Variants in TACC3 observed in about 807,000 individuals in gnomAD.
TACC3 encodes the protein transforming acidic coiled-coil containing protein 3.
In TACC3, 52 loss-of-function variants were observed where a neutral mutation model predicts 86.0. The observed-to-expected ratio is 0.60, with a 90% confidence interval of 0.48 to 0.76. The LOEUF (loss-of-function observed/expected upper bound fraction) is 0.76. Ranked by LOEUF, TACC3 falls within the 30% of genes least tolerant of loss-of-function variation. The pLI, the probability that TACC3 is intolerant of heterozygous loss-of-function variation, is 0.00. For synonymous variants in TACC3, 512 were observed against 430.0 expected (o/e 1.19, Z -2.36); for missense variants, 1,120 against 1,070.4 (o/e 1.05, Z -0.65).
In TACC3 at chr4:1,727,911, C is replaced by G. The variant is rs764747004; in HGVS notation, c.509C>G (p.Ser170Cys). ...GGAAGTTCTGAGAACCAAATGGTGT[C>G]TCCAGGAAAAGTGTCTGGCAGCCCT... is the stretch of plus-strand genomic sequence containing the variant. ...SPGSSENQMV[S>C]PGKVSGSPEQ... Residue 170 changes from serine (S) to cysteine (C), a missense_variant, in exon 4 of 16, where the codon TCT becomes TGT. Ser to Cys is a moderately radical substitution (Grantham distance 112). Transcript: ENST00000313288. 1 of 1,613,848 alleles carries G rather than the reference C, an allele frequency of 6.2e-7. No individual in the cohort carries two copies. Among genetic ancestry groups the G allele is most frequent in the African/African-American group, 1.3e-5 (1 of 74,922 alleles).
chr4:1,738,181 T>C (rs1243729547), intron 10 of TACC3: 1 of 309,904 alleles, frequency 3.2e-6, no homozygotes, highest in South Asian at 2.6e-5. Context: ...CGGGCCTAAA[T>C]TGTCCCTAAG....
At chr4:1,742,535 T>A (rs951476432) in intron 13 of TACC3, among the ~76,000 whole-genome samples, 8 of 152,224 alleles carry the variant, frequency 5.3e-5, no homozygotes, top group African/African-American at 1.4e-4. Context: ...ATAGAGACCT[T>A]GAAACTAGAA....
chr4:1,744,385 A>G (rs1362395900), intron 13 of TACC3, 133 bp from the exon 14 acceptor site: 25 of 782,216 alleles, frequency 3.2e-5, no homozygotes, highest in Non-Finnish European at 5.1e-5. Flanking sequence ...TTTTTCCAAA[A>G]GGAAAACGGG....
rs766022581 is a variant in TACC3 at position 1,731,209 on chromosome 4, C to T, written c.1499C>T (p.Thr500Ile). Residue 500 changes from threonine to isoleucine, a missense_variant, in exon 6 of 16, where the codon ACA (threonine) becomes ATA (isoleucine). Transcript: ENST00000313288. The part of the protein sequence containing the change: ...ALNSASTSLP[T>I]SCPGSEPVPT... ...AACTCTGCCAGCACCTCGCTTCCCA[C>T]AAGCTGTCCAGGCAGTGAGCCAGTG... The T allele has an allele frequency of 6.2e-7, 1 of 1,613,430 alleles. No homozygotes were observed. Among genetic ancestry groups the T allele is most frequent in the Non-Finnish European group, 8.5e-7 (1 of 1,180,030 alleles).
chr4:1,739,489 A>AT, intron 10 of TACC3: 1 of 583,162 alleles, frequency 1.7e-6, no homozygotes, highest in East Asian at 2.8e-5. Context: ...CAGCAGCCTC[A>AT]TGCCTCCTGC....
At chr4:1,742,374 G>A (rs147501800) in intron 13 of TACC3, among the ~76,000 whole-genome samples, 3 of 152,326 alleles carry the variant, frequency 2.0e-5, no homozygotes, top group East Asian at 1.9e-4. Flanking sequence ...CCTTGGCCTC[G>A]CCTCTCCCCG....
Position 1,735,909 on chromosome 4 carries a change from T to A in TACC3, c.1748+75T>A. The stretch of plus-strand genomic sequence containing the variant: ...CTGGAGGCTGTTCCTAGGTGTGCTG[T>A]CTGCACAGAGGCTTCTAGACCGGGG... On this transcript the variant is annotated intron_variant, in intron 8 of 15. Transcript: ENST00000313288. The surrounding 1 kb of genome is among the most constrained non-coding windows in gnomAD (Gnocchi z 4.2). 5.6e-6 allele frequency: 6 copies of A among 1,075,498 alleles called. No homozygotes were observed. Among genetic ancestry groups the A allele is most frequent in the South Asian group, 1.4e-5 (1 of 70,648 alleles). 66.6% of individuals were successfully genotyped at this position (1,075,498 alleles called of 1,614,324 possible). A position where few individuals can be genotyped will look rare whatever the true frequency, so the allele number is the denominator to read the frequency against.
intron 4 of TACC3, 59 bp downstream of exon 4, chr4:1,728,846 G>A (rs1182592588): frequency 6.7e-7 from 1 of 1,501,138 alleles, no homozygotes; most frequent in African/African-American, 1.4e-5. Context: ...CAGTGTATGT[G>A]GTCCAGGACC....
chr4:1,727,130 C>CAA (rs3216202), intron 3 of TACC3, among the ~76,000 whole-genome samples: 3 of 136,944 alleles, frequency 2.2e-5, no homozygotes, highest in Middle Eastern at 3.7e-3. Flanking sequence ...AAATCCGTCT[C>CAA]AAAAAAAAAA....
At chr4:1,741,035 A>G (rs761059241) in intron 13 of TACC3, 49 bp downstream of exon 13, 2 of 1,548,356 alleles carry the variant, frequency 1.3e-6, no homozygotes, top group South Asian at 2.4e-5. Context: ...TGATGGACTC[A>G]TGGTCCAAGC....
In TACC3 at chr4:1,728,786, C is replaced by T; in HGVS notation, c.1384C>T (p.Gln462Ter). 1 of 1,601,518 alleles carries T rather than the reference C, an allele frequency of 6.2e-7. No individual in the cohort carries two copies. The highest frequency in any genetic ancestry group is 8.5e-7 in the Non-Finnish European group (1 of 1,175,282). The change falls in exon 4 of 16, where the codon CAG (glutamine) becomes TAG (stop). Residue 462 changes from glutamine to a stop codon, truncating the protein, a stop_gained and splice_region_variant. Transcript: ENST00000313288. LOFTEE classifies it high-confidence loss of function. ...ATEEPGPCLS[Q>*]QLHSASAEDT... ...GGAGGAGCCAGGTCCCTGTCTGAGC[C>T]AGTAAGTGTGAGGATGGGATGGGGA...
intron 3 of TACC3, among the ~76,000 whole-genome samples, chr4:1,726,407 A>G (rs1238256697): frequency 2.0e-5 from 3 of 152,102 alleles, no homozygotes; most frequent in African/African-American, 7.2e-5. Context: ...TCATGCAGAA[A>G]ACCTTTGTTT....
At chr4:1,720,781 G>C, upstream of TACC3, 1 of 1,594,918 alleles carries the variant, frequency 6.3e-7, no homozygotes. The surrounding 1 kb of genome is among the most constrained non-coding windows in gnomAD (Gnocchi z 4.4). Context: ...GCGTGAACAC[G>C]AAGCACACGG....
In TACC3 at chr4:1,730,932, G is replaced by A. The variant is rs754437302; in HGVS notation, c.1431G>A (p.Leu477=). 6.2e-7 allele frequency: 1 copy of A among 1,613,454 alleles called. No individual in the cohort carries two copies. The highest frequency in any genetic ancestry group is 8.5e-7 in the Non-Finnish European group (1 of 1,180,038). ...CGGAGGACACGCCTGTGGTGCAGTTGGCAGCCGAGACCCCAACAGCAGAGA... is the reference window on the plus strand; with the variant it reads ...CGGAGGACACGCCTGTGGTGCAGTTAGCAGCCGAGACCCCAACAGCAGAGA... The part of the protein sequence containing the change: ...ASAEDTPVVQ[L]AAETPTAESK... Residue 477 remains leucine, a synonymous_variant, in exon 5 of 16, where the codon TTG becomes TTA. Coordinates refer to ENST00000313288, the MANE Select transcript of TACC3 (RefSeq NM_006342.3).
Position 1,731,234 on chromosome 4 carries a change from G to A in TACC3, c.1524G>A (p.Val508=). 6.2e-7 allele frequency: 1 copy of A among 1,613,390 alleles called. No individual in the cohort carries two copies. Among genetic ancestry groups the A allele is most frequent in the African/African-American group, 1.3e-5 (1 of 75,062 alleles). The change falls in exon 6 of 16, where the codon GTG becomes GTA. Residue 508 remains valine (V), a synonymous_variant. Transcript: ENST00000313288. ...LPTSCPGSEP[V]PTHQQGQPAL... The stretch of plus-strand genomic sequence containing the variant: ...CAAGCTGTCCAGGCAGTGAGCCAGT[G>A]CCCACCCATCAGCAGGGGCAGCCTG...
chr4:1,730,126 C>T (rs1419634465), intron 4 of TACC3, among the ~76,000 whole-genome samples: 1 of 152,246 alleles, frequency 6.6e-6, no homozygotes. Context: ...GCGAGTTCTG[C>T]CTCCCGGGTT....
In TACC3 at chr4:1,728,008, A is replaced by G. The variant is rs1717780095; in HGVS notation, c.606A>G (p.Leu202=). The G allele has an allele frequency of 6.2e-7, 1 of 1,613,096 alleles. No individual in the cohort carries two copies. The highest frequency in any genetic ancestry group is 1.7e-5 in the Admixed American group (1 of 60,002). Residue 202 remains leucine (L), a synonymous_variant, in exon 4 of 16, where the codon CTA becomes CTG. Transcript: ENST00000313288. ...DRRVTPASET[L]EDPCRTESQH... is the part of the protein sequence containing the mutation. ...GAGTGACACCCGCCTCTGAGACCCT[A>G]GAAGACCCTTGCAGGACAGAGTCCC...
rs377012074 is a variant in TACC3 at position 1,735,219 on chromosome 4, G to A, written c.1592-54G>A. ...GTGCTGAGGGAGACACCAGCCCGCCGCCCTTAGGGCCCTGGTGAGGGGCGA... is the reference window on the plus strand; with the variant it reads ...GTGCTGAGGGAGACACCAGCCCGCCACCCTTAGGGCCCTGGTGAGGGGCGA... On this transcript the variant is annotated intron_variant, in intron 6 of 15. Coordinates refer to ENST00000313288, the MANE Select transcript of TACC3 (RefSeq NM_006342.3). The surrounding 1 kb of genome is among the most constrained non-coding windows in gnomAD (Gnocchi z 4.2). 21 of 1,610,736 alleles carry A rather than the reference G, an allele frequency of 1.3e-5. No homozygotes were observed. The highest frequency in any genetic ancestry group is 1.7e-4 in the Middle Eastern group (1 of 6,048).
chr4:1,739,631 C>A, intron 10 of TACC3, 71 bp from the exon 11 acceptor site: 1 of 1,432,548 alleles, frequency 7.0e-7, no homozygotes, highest in Non-Finnish European at 9.6e-7. Flanking sequence ...GGGCTGGCCC[C>A]ATCCTGTGGG....
Sources: allele counts gnomAD v4.1 joint callset (sites outside exome capture counted in the v4.1 genomes callset), GRCh38; gene constraint gnomAD v4.1.1; non-coding constraint Gnocchi (gnomAD v3.1); transcripts MANE v1.5; gene names NCBI Gene and HGNC (gene_info 2026-07-23, HGNC 2026-07-21).